The following SCFD1 variants were observed in gnomAD, a reference collection of about 807,000 sequenced individuals.
SCFD1 encodes sec1 family domain-containing protein 1.
A neutral mutation model predicts 103.2 loss-of-function variants in SCFD1; 37 were observed. That is an observed-to-expected ratio of 0.36 (90% CI 0.28 to 0.47). SCFD1 has a LOEUF of 0.47. Among genes scored for constraint, SCFD1 ranks in the 20% least tolerant of loss-of-function variants. SCFD1 has a pLI of 1.00. For synonymous variants in SCFD1, 264 were observed against 245.0 expected, an observed-to-expected ratio of 1.08 and a Z score of -0.73; for missense variants, 639 against 761.2, an observed-to-expected ratio of 0.84 and a Z score of 1.89.
At chr14:30,677,699 G>A (rs17097077) in intron 14 of SCFD1, among the ~76,000 whole-genome samples, 11,925 of 151,706 alleles carry the variant, frequency 0.079, 763 homozygotes, top group African/African-American at 0.17. Context: ...ACTATGTTAA[G>A]CCACCTACTG....
intron 7 of SCFD1, among the ~76,000 whole-genome samples, chr14:30,648,975 C>CAAAAAAAAAAAA (rs34928852): frequency 1.0e-5 from 1 of 99,506 alleles, no homozygotes; most frequent in Non-Finnish European, 2.2e-5. Context: ...CACCCCGTCT[C>CAAAAAAAAAAAA]AAAAAAAAAA....
At chr14:30,684,075 T>C (rs1040262897) in intron 14 of SCFD1, among the ~76,000 whole-genome samples, 5 of 152,246 alleles carry the variant, frequency 3.3e-5, no homozygotes, top group African/African-American at 1.2e-4. Flanking sequence ...TGCAATTACT[T>C]ATAGGAAGGA....
At chr14:30,683,430 A>C in intron 14 of SCFD1, 1 of 513,520 alleles carries the variant, frequency 1.9e-6, no homozygotes, top group Admixed American at 2.1e-5. Context: ...CCATGTGAAA[A>C]GGTGGTCTGA....
intron 21 of SCFD1, among the ~76,000 whole-genome samples, chr14:30,720,453 A>T (rs1892576716): frequency 6.6e-6 from 1 of 152,172 alleles, no homozygotes; most frequent in African/African-American, 2.4e-5. Flanking sequence ...TCTCCAGCTT[A>T]CATTTTTTCC....
chr14:30,650,636 A>T lies in SCFD1; in HGVS notation c.741A>T (p.Gly247=), dbSNP rs769858383. 4 of 1,598,306 alleles carry T rather than the reference A, an allele frequency of 2.5e-6. No individual in the cohort carries two copies. Among genetic ancestry groups the T allele is most frequent in the East Asian group, 4.5e-5 (2 of 44,706 alleles). Residue 247 remains glycine (G), a synonymous_variant, in exon 9 of 25, where the codon GGA becomes GGT. Coordinates refer to ENST00000458591, the MANE Select transcript of SCFD1 (RefSeq NM_016106.4). The part of the protein sequence containing the change: ...RNSLFTGDTL[G]AGQFSFQRPL... ...GTCTTTTTACAGGTGATACACTTGG[A>T]GCTGGCCAATTCAGGTATTACTGTT...
chr14:30,670,701 T>C (rs572114506), intron 11 of SCFD1, among the ~76,000 whole-genome samples: 113 of 152,232 alleles, frequency 7.4e-4, no homozygotes, highest in Middle Eastern at 6.8e-3. Context: ...TCTCTGCCTT[T>C]CATTTAAATT....
Position 30,735,845 on chromosome 14 carries a change from T to TAATA in SCFD1, c.*238_*241dup. ...TCTGATAAATCAGAAAGTACTAATA[T>TAATA]AATAACTAATAGGTTATGATTGAAG... On this transcript the variant is annotated 3_prime_UTR_variant, in exon 25 of 25. Coordinates refer to ENST00000458591, the MANE Select transcript of SCFD1 (RefSeq NM_016106.4). The TAATA allele has an allele frequency of 2.5e-6, 1 of 396,856 alleles. No homozygotes were observed. The highest frequency in any genetic ancestry group is 4.5e-6 in the Non-Finnish European group (1 of 222,112). 24.6% of individuals were successfully genotyped at this position (396,856 alleles called of 1,614,324 possible).
chr14:30,710,586 C>T (rs1891803985), intron 19 of SCFD1, among the ~76,000 whole-genome samples: 1 of 152,074 alleles, frequency 6.6e-6, no homozygotes, highest in Non-Finnish European at 1.5e-5. Context: ...CTGTCCACGA[C>T]AAATTGCTAG....
At chr14:30,692,783 G>A (rs1332351252) in intron 14 of SCFD1, among the ~76,000 whole-genome samples, 1 of 152,134 alleles carries the variant, frequency 6.6e-6, no homozygotes, top group Non-Finnish European at 1.5e-5. Context: ...ACTTCACTCT[G>A]CAGATAACAG....
chr14:30,624,572 C>T (rs904982862), intron 1 of SCFD1, among the ~76,000 whole-genome samples: 2 of 152,156 alleles, frequency 1.3e-5, no homozygotes, highest in East Asian at 3.8e-4. Flanking sequence ...TGACTGTTGT[C>T]ATTGCTATTC....
chr14:30,679,257 AT>A (rs1889283422), intron 14 of SCFD1, among the ~76,000 whole-genome samples: 1 of 148,358 alleles, frequency 6.7e-6, no homozygotes, highest in Non-Finnish European at 1.5e-5. Flanking sequence ...CTAATGAGTT[AT>A]TTGTGTTTTA....
At chr14:30,657,444 C>T (rs943670719) in intron 10 of SCFD1, among the ~76,000 whole-genome samples, 2 of 151,996 alleles carry the variant, frequency 1.3e-5, no homozygotes, top group Non-Finnish European at 2.9e-5. Flanking sequence ...TTTATACTGG[C>T]CTTTATACAA....
intron 23 of SCFD1, among the ~76,000 whole-genome samples, chr14:30,728,543 C>A (rs916368213): frequency 2.6e-5 from 4 of 152,158 alleles, no homozygotes; most frequent in African/African-American, 7.2e-5. Context: ...TAATGGCCAC[C>A]ATAATTCTGT....
intron 1 of SCFD1, among the ~76,000 whole-genome samples, chr14:30,622,692 G>C (rs1393318386): frequency 6.6e-6 from 1 of 152,160 alleles, no homozygotes; most frequent in Non-Finnish European, 1.5e-5. Context: ...GCAGCTGATA[G>C]CTTCTTATCT....
intron 1 of SCFD1, among the ~76,000 whole-genome samples, chr14:30,627,746 A>G (rs1468116064): frequency 1.2e-4 from 6 of 51,236 alleles, no homozygotes; most frequent in South Asian, 5.5e-4. Flanking sequence ...TCTGTCTCAG[A>G]AAAAAAAAAA....
intron 10 of SCFD1, among the ~76,000 whole-genome samples, chr14:30,657,754 T>C (rs1887048495): frequency 6.6e-6 from 1 of 152,234 alleles, no homozygotes; most frequent in Admixed American, 6.5e-5. Flanking sequence ...TTAATAATTA[T>C]ACCCTTTGCC....
intron 10 of SCFD1, among the ~76,000 whole-genome samples, chr14:30,660,678 A>G (rs1887366274): frequency 6.6e-6 from 1 of 152,062 alleles, no homozygotes; most frequent in Non-Finnish European, 1.5e-5. Context: ...CAATTTTCAG[A>G]ATTAGTGAGT....
intron 9 of SCFD1, among the ~76,000 whole-genome samples, chr14:30,652,178 A>G (rs947188583): frequency 2.0e-5 from 3 of 152,170 alleles, no homozygotes; most frequent in African/African-American, 4.8e-5. Context: ...AGTTAATTCT[A>G]TTGCGAAAGG....
intron 23 of SCFD1, among the ~76,000 whole-genome samples, chr14:30,731,057 C>T (rs1194746645): frequency 6.6e-6 from 1 of 152,124 alleles, no homozygotes; most frequent in Non-Finnish European, 1.5e-5. Flanking sequence ...CCAGTTTCAG[C>T]TTTCTACATA....
Sources: gnomAD v4.1 joint callset for allele counts (sites outside exome capture counted in the v4.1 genomes callset) on GRCh38, gnomAD v4.1.1 for gene constraint, MANE v1.5 for transcripts, NCBI Gene and HGNC (gene_info 2026-07-23, HGNC 2026-07-21) for gene names.